The following ARPP21 variants were observed in gnomAD, a reference collection of about 807,000 sequenced individuals.
ARPP21 encodes cAMP-regulated phosphoprotein 21.
Under a neutral mutation model 113.2 loss-of-function variants are expected in ARPP21, and 69 were observed. The observed-to-expected ratio is 0.61, with a 90% CI of 0.50 to 0.74. The LOEUF is 0.74. Among genes scored for constraint, ARPP21 ranks in the 30% least tolerant of loss-of-function variants. The pLI is 0.00. For synonymous variants in ARPP21, 368 were observed against 375.5 expected (o/e 0.98, Z 0.23); for missense variants, 1,070 against 1,037.4 (o/e 1.03, Z -0.43).
At chr3:35,720,716 G>A (rs1424508946) in intron 13 of ARPP21, among the ~76,000 whole-genome samples, 4 of 152,080 alleles carry the variant, frequency 2.6e-5, no homozygotes, top group East Asian at 1.9e-4. Context: ...TGCAAATTTC[G>A]TCAAATTTCT....
At chr3:35,658,503 G>A (rs959718477) in intron 1 of ARPP21, among the ~76,000 whole-genome samples, 8 of 151,878 alleles carry the variant, frequency 5.3e-5, no homozygotes, top group Non-Finnish European at 8.8e-5. Context: ...TGTGATGATC[G>A]TTATCCAGGT....
intron 14 of ARPP21, among the ~76,000 whole-genome samples, chr3:35,728,637 C>A (rs1259233448): frequency 6.6e-6 from 1 of 151,912 alleles, no homozygotes; most frequent in Non-Finnish European, 1.5e-5. Context: ...AAGTCAGTGT[C>A]CTGATTCATC....
At chr3:35,723,490 C>T (rs1413435983) in intron 14 of ARPP21, among the ~76,000 whole-genome samples, 3 of 152,118 alleles carry the variant, frequency 2.0e-5, no homozygotes, top group Non-Finnish European at 4.4e-5. Context: ...ATTAATTGCT[C>T]TCATATTCCA....
chr3:35,673,201 T>TA (rs2076756516), intron 1 of ARPP21, among the ~76,000 whole-genome samples: 1 of 152,044 alleles, frequency 6.6e-6, no homozygotes. Flanking sequence ...AAGCTATGCT[T>TA]AGGATGGCAG....
chr3:35,695,820 T>G (rs1228421304), intron 9 of ARPP21, among the ~76,000 whole-genome samples: 1 of 151,584 alleles, frequency 6.6e-6, no homozygotes, highest in Non-Finnish European at 1.5e-5. Context: ...GATGGTTGTG[T>G]TAGGTTTTCA....
chr3:35,731,849 C>T (rs369205691), intron 15 of ARPP21, among the ~76,000 whole-genome samples: 1 of 152,116 alleles, frequency 6.6e-6, no homozygotes, highest in African/African-American at 2.4e-5. Flanking sequence ...GTGTTAGGAA[C>T]CAAGATTGTA....
chr3:35,662,676 A>G (rs1451133215), intron 1 of ARPP21, among the ~76,000 whole-genome samples: 2 of 152,156 alleles, frequency 1.3e-5, no homozygotes, highest in Non-Finnish European at 2.9e-5. Context: ...CATTTATTGA[A>G]TTATTGGATA....
intron 12 of ARPP21, 143 bp downstream of exon 12, chr3:35,715,619 A>G: frequency 1.7e-6 from 1 of 572,110 alleles, no homozygotes; most frequent in East Asian, 3.0e-5. Flanking sequence ...GTACACACAT[A>G]TATGTTATTT....
intron 19 of ARPP21, among the ~76,000 whole-genome samples, chr3:35,768,316 G>A (rs2151456954): frequency 6.6e-6 from 1 of 152,084 alleles, no homozygotes; most frequent in East Asian, 1.9e-4. Context: ...CTGTTCTCCA[G>A]GATAGATTCA....
At chr3:35,727,147 C>A (rs1177888729) in intron 14 of ARPP21, among the ~76,000 whole-genome samples, 1 of 152,186 alleles carries the variant, frequency 6.6e-6, no homozygotes, top group African/African-American at 2.4e-5. Flanking sequence ...TGACATAAAA[C>A]TATCACTATT....
intron 3 of ARPP21, among the ~76,000 whole-genome samples, chr3:35,682,230 A>T (rs959394901): frequency 3.3e-5 from 5 of 151,894 alleles, no homozygotes; most frequent in Non-Finnish European, 7.4e-5. Context: ...CTGTGGAAAG[A>T]TGAAGACTCA....
At chr3:35,778,765 C>T (rs554359871) in intron 19 of ARPP21, among the ~76,000 whole-genome samples, 43 of 152,296 alleles carry the variant, frequency 2.8e-4, no homozygotes, top group Non-Finnish European at 5.1e-4. Context: ...CACAATTCCT[C>T]GAGCTTCACT....
At chr3:35,734,998 A>G (rs1256382434) in intron 15 of ARPP21, among the ~76,000 whole-genome samples, 1 of 152,180 alleles carries the variant, frequency 6.6e-6, no homozygotes. Flanking sequence ...TCACTTAGCT[A>G]ATTAGCTTAG....
chr3:35,738,178 T>C (rs2094468813), intron 16 of ARPP21, 36 bp from the exon 17 acceptor site: 1 of 1,378,554 alleles, frequency 7.3e-7, no homozygotes, highest in Non-Finnish European at 1.0e-6. Flanking sequence ...ACCCCAGTGC[T>C]TTTCTGTCAG....
chr3:35,724,929 A>G (rs1426514133), intron 14 of ARPP21, among the ~76,000 whole-genome samples: 1 of 152,166 alleles, frequency 6.6e-6, no homozygotes, highest in African/African-American at 2.4e-5. Flanking sequence ...CAGAAATAAA[A>G]CCTTTATGAT....
intron 17 of ARPP21, 41 bp downstream of exon 17, chr3:35,738,359 C>T (rs1212447647): frequency 2.7e-6 from 4 of 1,462,022 alleles, no homozygotes; most frequent in East Asian, 2.5e-5. Context: ...CCTAGGAAAG[C>T]ATATTCTCTG....
At chr3:35,711,237 G>T (rs1244234627) in intron 11 of ARPP21, among the ~76,000 whole-genome samples, 1 of 152,106 alleles carries the variant, frequency 6.6e-6, no homozygotes, top group Non-Finnish European at 1.5e-5. Flanking sequence ...TTGGCATCAG[G>T]TACCCAGACT....
chr3:35,753,281 C>A (rs1052446946), intron 19 of ARPP21, among the ~76,000 whole-genome samples: 1 of 151,654 alleles, frequency 6.6e-6, no homozygotes, highest in African/African-American at 2.4e-5. Flanking sequence ...AGAATGACAG[C>A]CTAACAAATC....
intron 6 of ARPP21, 142 bp from the exon 7 acceptor site, chr3:35,689,165 A>C: frequency 3.1e-6 from 2 of 649,766 alleles, no homozygotes; most frequent in Non-Finnish European, 5.6e-6. Context: ...CCAGATTGCT[A>C]GTTTTGAAAC....
Sources: allele counts gnomAD v4.1 joint callset (sites outside exome capture counted in the v4.1 genomes callset), GRCh38; gene constraint gnomAD v4.1.1; transcripts MANE v1.5; gene names NCBI Gene and HGNC (gene_info 2026-07-23, HGNC 2026-07-21).